The following ZC3H12B variants were observed in gnomAD, a reference collection of about 807,000 sequenced individuals.
The protein encoded by ZC3H12B is probable ribonuclease ZC3H12B.
A neutral mutation model predicts 43.9 loss-of-function variants in ZC3H12B; 7 were observed. The observed-to-expected ratio is 0.16, with a 90% CI of 0.09 to 0.30. The LOEUF (loss-of-function observed/expected upper bound fraction) is 0.30, where lower values mean the gene tolerates loss of function less well. Among genes scored for constraint, ZC3H12B ranks in the 10% least tolerant of loss-of-function variants. The pLI is 1.00. For synonymous variants in ZC3H12B, 222 were observed against 241.7 expected (o/e 0.92, Z 0.76); for missense variants, 475 against 670.2 (o/e 0.71, Z 3.22).
the ZC3H12B span, among the ~76,000 whole-genome samples, chrX:65,321,160 T>A: frequency 1.8e-5 from 2 of 110,278 alleles, no homozygotes; most frequent in Non-Finnish European, 3.8e-5. Context: ...AGAGATCTAA[T>A]AACCAGCATC....
chrX:65,459,467 T>A (rs772831431), intron 3 of ZC3H12B, among the ~76,000 whole-genome samples: 1 of 111,740 alleles, frequency 8.9e-6, no homozygotes, highest in Admixed American at 9.5e-5. Context: ...AATAAAATAC[T>A]GGCAAACCGA....
At chrX:65,290,483 C>T in the ZC3H12B span, among the ~76,000 whole-genome samples, 754 of 111,037 alleles carry the variant, frequency 6.8e-3, 10 homozygotes, top group African/African-American at 0.023. Flanking sequence ...AATTACCATT[C>T]ACTTAAGCAA....
the ZC3H12B span, among the ~76,000 whole-genome samples, chrX:65,204,310 C>CT: frequency 8.9e-6 from 1 of 111,996 alleles, no homozygotes; most frequent in Non-Finnish European, 1.9e-5. Flanking sequence ...ATTCAGCCAT[C>CT]TAGCTCTGCC....
the ZC3H12B span, among the ~76,000 whole-genome samples, chrX:65,336,322 G>T: frequency 2.0e-4 from 22 of 111,637 alleles, no homozygotes; most frequent in African/African-American, 6.5e-4. Context: ...TGGCAACCCA[G>T]CCCGCTACAC....
intron 3 of ZC3H12B, among the ~76,000 whole-genome samples, chrX:65,472,398 TTG>T (rs201385415): frequency 0.2 from 21,496 of 107,561 alleles, 5,672 homozygotes; most frequent in African/African-American, 0.73. Flanking sequence ...TTTGTTTTTT[TTG>T]TTTGTTTGTT....
At chrX:65,058,666 C>T in the ZC3H12B span, among the ~76,000 whole-genome samples, 4 of 112,047 alleles carry the variant, frequency 3.6e-5, no homozygotes, top group Non-Finnish European at 7.5e-5. Context: ...TGTGCCCTGC[C>T]CACAGAGGTG....
the ZC3H12B span, among the ~76,000 whole-genome samples, chrX:65,211,722 T>G: frequency 1.1e-5 from 1 of 87,538 alleles, no homozygotes; most frequent in East Asian, 3.5e-4. Flanking sequence ...TATTATATAT[T>G]TTTATGTAAT....
At chrX:65,085,507 C>T in the ZC3H12B span, among the ~76,000 whole-genome samples, 1 of 111,320 alleles carries the variant, frequency 9.0e-6, no homozygotes, top group Non-Finnish European at 1.9e-5. Context: ...GGTGTAATGG[C>T]TCACACCTAT....
At chrX:65,421,743 C>T (rs2067019671) in intron 3 of ZC3H12B, among the ~76,000 whole-genome samples, 1 of 111,160 alleles carries the variant, frequency 9.0e-6, no homozygotes, top group East Asian at 2.8e-4. Flanking sequence ...AGGCGGATCA[C>T]GAGGTCAGGA....
the ZC3H12B span, among the ~76,000 whole-genome samples, chrX:65,325,898 C>T: frequency 9.0e-6 from 1 of 111,437 alleles, no homozygotes; most frequent in Admixed American, 9.6e-5. Context: ...TAAATAAACA[C>T]ACACATATAT....
the ZC3H12B span, among the ~76,000 whole-genome samples, chrX:65,122,897 G>C: frequency 5.4e-5 from 6 of 111,481 alleles, no homozygotes; most frequent in African/African-American, 1.6e-4. Context: ...AGTCCTTAGA[G>C]ACCTACAAAG....
At chrX:65,152,807 A>G in the ZC3H12B span, among the ~76,000 whole-genome samples, 3 of 111,818 alleles carry the variant, frequency 2.7e-5, no homozygotes, top group South Asian at 3.7e-4. Flanking sequence ...AAAGCTGGAG[A>G]CATCACGCTA....
At chrX:65,211,337 G>C in the ZC3H12B span, among the ~76,000 whole-genome samples, 19 of 108,814 alleles carry the variant, frequency 1.7e-4, no homozygotes, top group Non-Finnish European at 3.2e-4. Context: ...CCAAAAATCT[G>C]TGGGAATAAA....
intron 3 of ZC3H12B, among the ~76,000 whole-genome samples, chrX:65,441,987 G>A (rs1408414208): frequency 2.8e-5 from 3 of 107,025 alleles, no homozygotes; most frequent in African/African-American, 6.8e-5. Context: ...TTTACATTTT[G>A]GACATATTTC....
At chrX:65,317,743 T>TTGTG in the ZC3H12B span, among the ~76,000 whole-genome samples, 1 of 104,201 alleles carries the variant, frequency 9.6e-6, no homozygotes, top group African/African-American at 3.5e-5. Flanking sequence ...GTATCCTATT[T>TTGTG]TGTGTGTGTG....
the ZC3H12B span, chrX:65,185,494 T>G: frequency 4.5e-5 from 5 of 111,975 alleles, no homozygotes; most frequent in Non-Finnish European, 9.4e-5. Flanking sequence ...CTATGTCTCT[T>G]TAGACTAGTT....
chrX:65,216,335 G>A, the ZC3H12B span, among the ~76,000 whole-genome samples: 3 of 111,201 alleles, frequency 2.7e-5, no homozygotes, highest in East Asian at 2.8e-4. Flanking sequence ...CGTAGTGAGT[G>A]TGGGACTTCA....
the ZC3H12B span, among the ~76,000 whole-genome samples, chrX:65,171,021 G>C: frequency 0.23 from 25,316 of 111,108 alleles, 6,896 homozygotes; most frequent in African/African-American, 0.78. Context: ...TACCGATTGT[G>C]TGAAGCCTTC....
At chrX:65,157,125 T>G in the ZC3H12B span, among the ~76,000 whole-genome samples, 1 of 110,751 alleles carries the variant, frequency 9.0e-6, no homozygotes, top group Non-Finnish European at 1.9e-5. Flanking sequence ...GAGACTAAAG[T>G]GGGCTCCAAC....
Sources: allele counts gnomAD v4.1 joint callset (sites outside exome capture counted in the v4.1 genomes callset), GRCh38; gene constraint gnomAD v4.1.1; transcripts MANE v1.5; gene names NCBI Gene and HGNC (gene_info 2026-07-23, HGNC 2026-07-21).